Variants in NCOR1 observed in about 807,000 individuals in gnomAD.
NCOR1 encodes the protein protein phosphatase 1, regulatory subunit 109.
In NCOR1, 63 loss-of-function variants were observed where a neutral mutation model predicts 288.1. The observed-to-expected ratio is 0.22, with a 90% CI of 0.18 to 0.27. The LOEUF is 0.27. Among genes scored for constraint, NCOR1 ranks in the 10% least tolerant of loss-of-function variants. The pLI is 1.00. For missense variants in NCOR1, 2,397 were observed against 3,019.2 expected (o/e 0.79, Z 4.83); for synonymous variants, 1,007 against 1,065.9 (o/e 0.94, Z 1.08).
Position 16,146,470 on chromosome 17 carries a change from G to A in NCOR1, c.988C>T (p.Arg330Trp). Residue 330 changes from arginine to tryptophan, a missense_variant, in exon 10 of 46, where the codon CGG becomes TGG. Physicochemically the swap from Arg to Trp is moderately radical, Grantham distance 101 (BLOSUM62 -3). Coordinates refer to ENST00000268712, the MANE Select transcript of NCOR1 (RefSeq NM_006311.4). ...GTTTTGCTTTCTTTAGCTTTCCTCC[G>A]AGGATTATTTTCTATTCTGTCCACT... The part of the protein sequence containing the change: ...KKVDRIENNP[R>W]RKAKESKTRE... The A allele has an allele frequency of 1.9e-6, 3 of 1,613,518 alleles. No homozygotes were observed. Among genetic ancestry groups the A allele is most frequent in the Non-Finnish European group, 2.5e-6 (3 of 1,179,808 alleles).
At chr17:16,190,644 A>G (rs796335996) in intron 2 of NCOR1, among the ~76,000 whole-genome samples, 5 of 151,876 alleles carry the variant, frequency 3.3e-5, no homozygotes, top group Admixed American at 2.0e-4. Flanking sequence ...CCCAGCCAAC[A>G]CTCCCTGAAA....
intron 4 of NCOR1, among the ~76,000 whole-genome samples, chr17:16,165,956 C>G (rs1375797794): frequency 6.6e-6 from 1 of 152,178 alleles, no homozygotes; most frequent in Non-Finnish European, 1.5e-5. Flanking sequence ...GGGTAGTTCA[C>G]AGGATTACAG....
At chr17:16,095,722 C>T (rs1451533168) in intron 21 of NCOR1, among the ~76,000 whole-genome samples, 1 of 121,200 alleles carries the variant, frequency 8.3e-6, no homozygotes, top group Admixed American at 9.2e-5. Flanking sequence ...GCCCCCCGCC[C>T]GGCCAGCCGC....
At chr17:16,095,802 G>GC (rs2066483402) in intron 21 of NCOR1, among the ~76,000 whole-genome samples, 1 of 151,486 alleles carries the variant, frequency 6.6e-6, no homozygotes, top group South Asian at 2.1e-4. Context: ...CCTCTGCCCG[G>GC]CCACCACCCC....
intron 14 of NCOR1, among the ~76,000 whole-genome samples, chr17:16,136,701 G>C (rs1267288086): frequency 2.0e-5 from 3 of 151,596 alleles, no homozygotes; most frequent in Non-Finnish European, 4.4e-5. Context: ...CAGCTACTCA[G>C]GAGGCTGAGG....
intron 1 of NCOR1, among the ~76,000 whole-genome samples, chr17:16,214,142 A>C (rs2092369655): frequency 6.6e-6 from 1 of 152,224 alleles, no homozygotes; most frequent in South Asian, 2.1e-4. Flanking sequence ...CCTTGTCTAA[A>C]TAACATTCTA....
chr17:16,132,881 T>G (rs2075853246), intron 14 of NCOR1, among the ~76,000 whole-genome samples: 1 of 150,262 alleles, frequency 6.7e-6, no homozygotes, highest in Non-Finnish European at 1.5e-5. Flanking sequence ...CTTGCTTTCC[T>G]TCCTTCCTTT....
At chr17:16,121,321 C>T (rs544910500) in intron 15 of NCOR1, 52 bp from the exon 16 acceptor site, 12 of 1,430,740 alleles carry the variant, frequency 8.4e-6, no homozygotes, top group Non-Finnish European at 1.1e-5. Context: ...ATACATACAT[C>T]GAAGAAGGTT....
chr17:16,195,852 A>G (rs1392756996), intron 1 of NCOR1, among the ~76,000 whole-genome samples: 1 of 152,166 alleles, frequency 6.6e-6, no homozygotes, highest in South Asian at 2.1e-4. Context: ...ATGATTATCT[A>G]TGTTTATGTT....
At chr17:16,130,382 CCACA>C (rs1287914960) in intron 14 of NCOR1, among the ~76,000 whole-genome samples, 8 of 152,194 alleles carry the variant, frequency 5.3e-5, no homozygotes, top group Non-Finnish European at 1.2e-4. Flanking sequence ...TCCCTCAACT[CCACA>C]GGGTGGCTGG....
At chr17:16,078,152 T>C (rs1360486282) in intron 26 of NCOR1, among the ~76,000 whole-genome samples, 2 of 152,200 alleles carry the variant, frequency 1.3e-5, no homozygotes, top group Non-Finnish European at 2.9e-5. Flanking sequence ...ACGTAGAGCA[T>C]TTTGCAAGAG....
chr17:16,145,741 G>A (rs891503740), intron 10 of NCOR1, among the ~76,000 whole-genome samples: 19 of 151,948 alleles, frequency 1.3e-4, no homozygotes, highest in South Asian at 4.2e-4. Context: ...CCAGTCAGCC[G>A]CCCCATCCGG....
At position 16,171,936 on chromosome 17, in the gene NCOR1, T is replaced by G. The variant is rs779097941; in HGVS notation, c.302A>C (p.His101Pro). 1 of 1,611,782 alleles carries G rather than the reference T, an allele frequency of 6.2e-7. No individual in the cohort carries two copies. Among genetic ancestry groups the G allele is most frequent in the South Asian group, 1.1e-5 (1 of 90,736 alleles). Residue 101 changes from histidine to proline, a missense_variant, in exon 4 of 46, where the codon CAT (histidine) becomes CCT (proline). His to Pro is a moderately conservative substitution (Grantham distance 77, BLOSUM62 -2). Around this residue, in one of 11 missense-constraint regions of NCOR1, gnomAD observed 110 missense variants for 123.2 expected, o/e 0.89. Coordinates refer to ENST00000268712, the MANE Select transcript of NCOR1 (RefSeq NM_006311.4). ...PFHPGPSPVD[H>P]DSLESKRPRL... ...TGGTCGCTTCGATTCCAGTGAATCA[T>G]GATCCACTGGGGATGGGCCTGGATG... is the stretch of plus-strand genomic sequence containing the variant.
At chr17:16,199,190 G>C (rs1404099916) in intron 1 of NCOR1, among the ~76,000 whole-genome samples, 5 of 99,974 alleles carry the variant, frequency 5.0e-5, no homozygotes, top group Admixed American at 1.2e-4. Context: ...AGTACTATCC[G>C]CCCAATACAG....
intron 21 of NCOR1, among the ~76,000 whole-genome samples, chr17:16,092,264 C>A (rs2065290486): frequency 1.3e-5 from 2 of 152,138 alleles, no homozygotes; most frequent in Middle Eastern, 3.4e-3. Context: ...CCGAGGCAGG[C>A]AGATCACCTG....
intron 18 of NCOR1, among the ~76,000 whole-genome samples, chr17:16,110,687 T>G (rs1327534061): frequency 6.6e-6 from 1 of 152,210 alleles, no homozygotes; most frequent in African/African-American, 2.4e-5. Flanking sequence ...CCAGTGAGAC[T>G]CCTCAGAAGA....
rs148104413 is a variant in NCOR1 at position 16,139,563 on chromosome 17, T to C, written c.1174-377A>G. ...CATATTAGTCTCATTTTTTAAAGTC[T>C]CAACATCATTTTATAGAACAACTTT... On this transcript the variant is annotated intron_variant, in intron 11 of 45. Transcript: ENST00000268712. Among the ~76,000 whole-genome samples the C allele has an allele frequency of 4.0e-3, 606 of 152,288 alleles. 8 individuals carry two copies. Among genetic ancestry groups the C allele is most frequent in the African/African-American group, 0.014 (564 of 41,560 alleles).
intron 26 of NCOR1, among the ~76,000 whole-genome samples, chr17:16,076,459 A>G (rs995492861): frequency 2.6e-5 from 4 of 152,356 alleles, no homozygotes; most frequent in Admixed American, 6.5e-5. Context: ...ACAACAACCA[A>G]TTGAGAGCAA....
intron 19 of NCOR1, 88 bp from the exon 20 acceptor site, chr17:16,101,845 CAT>C (rs1360538992): frequency 6.7e-7 from 1 of 1,492,494 alleles, no homozygotes; most frequent in East Asian, 2.3e-5. Context: ...TGATAATGAA[CAT>C]GTTTCAGGTG....
Sources: allele counts gnomAD v4.1 joint callset (sites outside exome capture counted in the v4.1 genomes callset), GRCh38; gene constraint gnomAD v4.1.1; regional missense constraint gnomAD v4.1.1; transcripts MANE v1.5; gene names NCBI Gene and HGNC (gene_info 2026-07-23, HGNC 2026-07-21).